The following FBXO42 variants were observed in gnomAD, a reference collection of about 807,000 sequenced individuals.
The protein encoded by FBXO42 is F-box only protein 42.
A neutral mutation model predicts 71.7 loss-of-function variants in FBXO42; 12 were observed. The observed-to-expected ratio is 0.17, with a 90% CI of 0.11 to 0.27. The LOEUF (loss-of-function observed/expected upper bound fraction) is 0.27, where lower values mean the gene tolerates loss of function less well. FBXO42 is among the 10% of genes least tolerant of loss of function. FBXO42 has a pLI of 1.00. For missense variants in FBXO42, 707 were observed against 911.9 expected (o/e 0.78, Z 2.89); for synonymous variants, 325 against 327.5 (o/e 0.99, Z 0.08).
At chr1:16,348,991 G>A (rs2082676147) in intron 1 of FBXO42, among the ~76,000 whole-genome samples, 2 of 152,126 alleles carry the variant, frequency 1.3e-5, no homozygotes, top group Admixed American at 1.3e-4. Context: ...TTTAATTGCA[G>A]CTGCAATGTT....
At chr1:16,285,758 GA>G (rs2082015420) in intron 4 of FBXO42, among the ~76,000 whole-genome samples, 1 of 152,142 alleles carries the variant, frequency 6.6e-6, no homozygotes, top group Non-Finnish European at 1.5e-5. Context: ...TGGCTTCCCA[GA>G]TGCCACATTC....
chr1:16,348,840 A>T lies in FBXO42; in HGVS notation c.-18+3415T>A, dbSNP rs531911406. 5.3e-5 allele frequency among the ~76,000 whole-genome samples: 8 copies of T among 152,340 alleles called. No individual in the cohort carries two copies. In the South Asian group the frequency reaches 1.7e-3, roughly 32 times the overall value. ...GTACTAATAACCACCTATAATCAACATTGTAAGGAATAACAATTAAATATT... is the reference window on the plus strand; with the variant it reads ...GTACTAATAACCACCTATAATCAACTTTGTAAGGAATAACAATTAAATATT... On this transcript the variant is annotated intron_variant, in intron 1 of 9. Coordinates refer to ENST00000375592, the MANE Select transcript of FBXO42 (RefSeq NM_018994.3).
chr1:16,306,393 G>T (rs970898365), intron 2 of FBXO42, among the ~76,000 whole-genome samples: 15 of 152,180 alleles, frequency 9.9e-5, no homozygotes, highest in African/African-American at 3.6e-4. Flanking sequence ...TTTTAAAACT[G>T]AAAGGCAATC....
At chr1:16,297,050 T>C (rs1278894032) in intron 3 of FBXO42, among the ~76,000 whole-genome samples, 1 of 151,718 alleles carries the variant, frequency 6.6e-6, no homozygotes, top group Non-Finnish European at 1.5e-5. Flanking sequence ...GCAATTCTTC[T>C]GCCTCAGTCT....
intron 1 of FBXO42, among the ~76,000 whole-genome samples, chr1:16,317,915 T>C (rs1308760719): frequency 6.7e-6 from 1 of 149,710 alleles, no homozygotes; most frequent in Admixed American, 6.7e-5. Context: ...TTAGACCATG[T>C]CTCGAAGAAA....
chr1:16,309,154 A>C (rs2082286759), intron 2 of FBXO42, among the ~76,000 whole-genome samples: 1 of 139,398 alleles, frequency 7.2e-6, no homozygotes, highest in South Asian at 2.2e-4. Flanking sequence ...TGCAACCTCC[A>C]ACTCCCAGAT....
At chr1:16,313,324 CAAAG>C (rs57296538) in intron 2 of FBXO42, among the ~76,000 whole-genome samples, 44,576 of 137,320 alleles carry the variant, frequency 0.32, 7,562 homozygotes, top group South Asian at 0.43. Flanking sequence ...GAAAAGAAAA[CAAAG>C]AAAGAAAGAA....
chr1:16,333,416 C>A (rs2082520823), intron 1 of FBXO42, among the ~76,000 whole-genome samples: 1 of 148,674 alleles, frequency 6.7e-6, no homozygotes, highest in African/African-American at 2.5e-5. Context: ...AGTTCGAGAC[C>A]AGCCTGGGCA....
intron 3 of FBXO42, among the ~76,000 whole-genome samples, chr1:16,295,932 G>C (rs918313362): frequency 6.6e-6 from 1 of 152,076 alleles, no homozygotes; most frequent in Non-Finnish European, 1.5e-5. Flanking sequence ...GGTTGGAGCC[G>C]ACTAGAAAAC....
chr1:16,313,220 G>A (rs982048901), intron 2 of FBXO42, among the ~76,000 whole-genome samples: 10 of 151,082 alleles, frequency 6.6e-5, no homozygotes, highest in Admixed American at 6.0e-4. Context: ...CAGAAAGATC[G>A]ATCTAAGATT....
chr1:16,314,596 A>G (rs2082345058), intron 2 of FBXO42, among the ~76,000 whole-genome samples: 1 of 152,206 alleles, frequency 6.6e-6, no homozygotes, highest in South Asian at 2.1e-4. Flanking sequence ...ATTATCCCAT[A>G]TCCATTTCTA....
At chr1:16,327,944 G>A (rs770382628) in intron 1 of FBXO42, among the ~76,000 whole-genome samples, 2 of 152,052 alleles carry the variant, frequency 1.3e-5, no homozygotes, top group African/African-American at 2.4e-5. Flanking sequence ...CAAGTGATCC[G>A]CCCACCTTGG....
intron 1 of FBXO42, among the ~76,000 whole-genome samples, chr1:16,347,992 C>CAA (rs541561756): frequency 2.2e-4 from 15 of 67,706 alleles, no homozygotes; most frequent in Non-Finnish European, 3.0e-4. Context: ...GACTCCGTCT[C>CAA]AAAAAAAAAA....
At chr1:16,342,779 T>A (rs2082619521) in intron 1 of FBXO42, among the ~76,000 whole-genome samples, 1 of 151,968 alleles carries the variant, frequency 6.6e-6, no homozygotes, top group African/African-American at 2.4e-5. Context: ...CTGGGTGGTG[T>A]TTAGGTAATG....
rs1188087338 is a variant in FBXO42 at position 16,252,759 on chromosome 1, C to T, written c.921+337G>A. On this transcript the variant is annotated intron_variant, in intron 8 of 9. Coordinates refer to ENST00000375592, the MANE Select transcript of FBXO42 (RefSeq NM_018994.3). This position sits in a 1 kb window ranked among gnomAD's most constrained non-coding sequence, Gnocchi z 4.4. ...TCTGCTTTCTTAAATACTGTGTGAA[C>T]TCTGACAGTTATCAACCTGCTTTTT... Among the ~76,000 whole-genome samples, 1 of 152,176 alleles carries T rather than the reference C, an allele frequency of 6.6e-6. No individual in the cohort carries two copies. Among genetic ancestry groups the T allele is most frequent in the African/African-American group, 2.4e-5 (1 of 41,444 alleles).
intron 1 of FBXO42, among the ~76,000 whole-genome samples, chr1:16,328,656 C>T (rs1395680536): frequency 6.6e-6 from 1 of 152,146 alleles, no homozygotes; most frequent in Non-Finnish European, 1.5e-5. Context: ...AGTATACACT[C>T]ATCTACCACC....
At chr1:16,297,600 G>T (rs561397218) in intron 3 of FBXO42, among the ~76,000 whole-genome samples, 1 of 152,192 alleles carries the variant, frequency 6.6e-6, no homozygotes, top group African/African-American at 2.4e-5. Flanking sequence ...GGTGGCTCAC[G>T]CCAGTAATCC....
At chr1:16,326,683 CAAAAA>C (rs397860543) in intron 1 of FBXO42, among the ~76,000 whole-genome samples, 2 of 103,112 alleles carry the variant, frequency 1.9e-5, no homozygotes, top group Non-Finnish European at 4.0e-5. Flanking sequence ...AACCCTGTCT[CAAAAA>C]AAAAAAAAAA....
intron 1 of FBXO42, among the ~76,000 whole-genome samples, chr1:16,337,696 A>G (rs567922630): frequency 1.3e-5 from 2 of 150,950 alleles, no homozygotes; most frequent in East Asian, 3.9e-4. Context: ...CAGCCTGCCC[A>G]ACATGGTGAA....
Sources: allele counts gnomAD v4.1 joint callset (sites outside exome capture counted in the v4.1 genomes callset), GRCh38; gene constraint gnomAD v4.1.1; non-coding constraint Gnocchi (gnomAD v3.1); transcripts MANE v1.5; gene names NCBI Gene and HGNC (gene_info 2026-07-23, HGNC 2026-07-21).